The following NLK variants were observed in gnomAD, a reference collection of about 807,000 sequenced individuals.
NLK encodes the protein nemo like kinase.
In NLK, 11 loss-of-function variants were observed where a neutral mutation model predicts 59.0. That is an observed-to-expected ratio of 0.19 (90% CI 0.12 to 0.31). The LOEUF is 0.31. NLK is among the 10% of genes least tolerant of loss of function. The pLI, the probability that NLK is intolerant of heterozygous loss-of-function variation, is 1.00. For synonymous variants in NLK, 235 were observed against 235.9 expected, an observed-to-expected ratio of 1.00 and a Z score of 0.03; for missense variants, 410 against 661.1, an observed-to-expected ratio of 0.62 and a Z score of 4.16.
intron 1 of NLK, among the ~76,000 whole-genome samples, chr17:28,111,894 GTGGT>G (rs1166402105): frequency 1.6e-3 from 160 of 102,394 alleles, no homozygotes; most frequent in South Asian, 5.4e-3. Context: ...GTGTGTGTGT[GTGGT>G]GTGTGTGTGT....
intron 3 of NLK, among the ~76,000 whole-genome samples, chr17:28,134,412 A>T (rs1443731290): frequency 6.6e-6 from 1 of 152,220 alleles, no homozygotes; most frequent in Admixed American, 6.5e-5. Flanking sequence ...CCGCCAAAAA[A>T]AAGTGATACA....
chr17:28,193,087 C>G (rs1304927365), intron 10 of NLK, among the ~76,000 whole-genome samples: 1 of 152,118 alleles, frequency 6.6e-6, no homozygotes, highest in African/African-American at 2.4e-5. Context: ...GAGAAATAAA[C>G]CACTTCCCTA....
At chr17:28,088,641 T>C (rs915095211) in intron 1 of NLK, among the ~76,000 whole-genome samples, 1 of 152,202 alleles carries the variant, frequency 6.6e-6, no homozygotes, top group Non-Finnish European at 1.5e-5. Context: ...TTCACTGAAA[T>C]CATTGTCTTT....
intron 5 of NLK, 63 bp from the exon 6 acceptor site, chr17:28,168,385 T>G: frequency 1.3e-5 from 15 of 1,194,434 alleles, no homozygotes; most frequent in Non-Finnish European, 1.7e-5. Context: ...AAAATTTTGA[T>G]GTTTTGTTTT....
chr17:28,166,212 C>CA lies in NLK; in HGVS notation c.838-2230dup, dbSNP rs915386303. 5.1e-4 allele frequency among the ~76,000 whole-genome samples: 78 copies of CA among 151,846 alleles called. 1 individual carries two copies. The highest frequency in any genetic ancestry group is 1.7e-3 in the African/African-American group (72 of 41,372). Reference sequence around the variant, plus strand: ...TCTGGGTGACAGAGTGAGACTGTCTCAAAAAATATATATATATATATGTTA... The same window carrying CA: ...TCTGGGTGACAGAGTGAGACTGTCTCAAAAAAATATATATATATATATGTTA... On this transcript the variant is annotated intron_variant, in intron 5 of 10. Transcript: ENST00000407008.
chr17:28,110,599 C>T (rs1466798356), intron 1 of NLK, among the ~76,000 whole-genome samples: 1 of 151,656 alleles, frequency 6.6e-6, no homozygotes, highest in East Asian at 1.9e-4. Context: ...CTTTCTTGCT[C>T]CTTTCCTCCT....
Position 28,195,870 on chromosome 17 carries a change from T to C in NLK, c.*1234T>C, listed in dbSNP as rs997253700. On this transcript the variant is annotated 3_prime_UTR_variant, in exon 11 of 11. Transcript: ENST00000407008. ...TTGAATGTCCCTTCCAACTTTTATA[T>C]TAAAAATAAAAAGACAAGAAAATTG... is the stretch of plus-strand genomic sequence containing the variant. The C allele has an allele frequency of 7.9e-5, 12 of 152,594 alleles. No homozygotes were observed. The highest frequency in any genetic ancestry group is 2.6e-4 in the Admixed American group (4 of 15,274). 9.5% of individuals were successfully genotyped at this position (152,594 alleles called of 1,614,324 possible).
intron 3 of NLK, among the ~76,000 whole-genome samples, chr17:28,147,261 G>A (rs1327067997): frequency 1.3e-5 from 2 of 152,100 alleles, no homozygotes; most frequent in East Asian, 1.9e-4. Flanking sequence ...GAGACTCCCT[G>A]AGTAATCATG....
At chr17:28,073,037 GA>G (rs1422414941) in intron 1 of NLK, among the ~76,000 whole-genome samples, 1 of 151,132 alleles carries the variant, frequency 6.6e-6, no homozygotes, top group Non-Finnish European at 1.5e-5. Flanking sequence ...TTTTTTTCCA[GA>G]GATGATGTGA....
intron 3 of NLK, among the ~76,000 whole-genome samples, chr17:28,138,419 A>G (rs1281324463): frequency 2.0e-5 from 3 of 152,260 alleles, no homozygotes; most frequent in Middle Eastern, 3.4e-3. Flanking sequence ...ATTATTGTGA[A>G]GTTCTCACTC....
At chr17:28,199,064 G>T (rs1277607651), downstream of NLK, among the ~76,000 whole-genome samples, 1 of 152,236 alleles carries the variant, frequency 6.6e-6, no homozygotes, top group Non-Finnish European at 1.5e-5. Flanking sequence ...TTTTGCCCAT[G>T]TGGTTTGCCA....
At chr17:28,089,088 G>A (rs1567710760) in intron 1 of NLK, among the ~76,000 whole-genome samples, 1 of 152,158 alleles carries the variant, frequency 6.6e-6, no homozygotes, top group Non-Finnish European at 1.5e-5. Flanking sequence ...AATGAAAACA[G>A]GTTTAGATGA....
chr17:28,179,939 A>G (rs1908841621), intron 7 of NLK, among the ~76,000 whole-genome samples: 1 of 147,168 alleles, frequency 6.8e-6, no homozygotes, highest in Admixed American at 6.8e-5. Context: ...AGAAATGTAA[A>G]CTTCTTGTTT....
chr17:28,185,122 C>T (rs1359892440), intron 7 of NLK, 57 bp from the exon 8 acceptor site: 2 of 1,019,690 alleles, frequency 2.0e-6, no homozygotes, highest in Admixed American at 4.8e-5. Flanking sequence ...TGGCTGTATT[C>T]CATAGCTGTT....
Position 28,093,020 on chromosome 17 carries a change from C to T in NLK, c.459-29583C>T, listed in dbSNP as rs1904561965. On this transcript the variant is annotated intron_variant, in intron 1 of 10. Transcript: ENST00000407008. ...ACATTAACCAGGATGGTCTCGATCT[C>T]CTGACCTCCTGATCCACCCACCTTG... Among the ~76,000 whole-genome samples, 2 of 152,026 alleles carry T rather than the reference C, an allele frequency of 1.3e-5. 1 individual carries two copies. Among genetic ancestry groups the T allele is most frequent in the African/African-American group, 4.8e-5 (2 of 41,382 alleles).
In NLK at chr17:28,120,937, T is replaced by C. The variant is rs1906018766; in HGVS notation, c.459-1666T>C. On this transcript the variant is annotated intron_variant, in intron 1 of 10. Coordinates refer to ENST00000407008, the MANE Select transcript of NLK (RefSeq NM_016231.5). ...GTAGTTCATTGAATGAGTAATTGAA[T>C]ATCCATACTCAAGGTTAATGATTGA... 3.3e-5 allele frequency among the ~76,000 whole-genome samples: 5 copies of C among 152,250 alleles called. No homozygotes were observed. In the South Asian group the frequency reaches 1.0e-3, roughly 31 times the overall value.
chr17:28,081,486 A>G (rs1249623375), intron 1 of NLK, among the ~76,000 whole-genome samples: 1 of 152,192 alleles, frequency 6.6e-6, no homozygotes, highest in Non-Finnish European at 1.5e-5. Flanking sequence ...CATTAAATAA[A>G]TATTAGAAAT....
chr17:28,199,695 C>CA (rs61425914), downstream of NLK, among the ~76,000 whole-genome samples: 2 of 94,862 alleles, frequency 2.1e-5, no homozygotes, highest in East Asian at 3.1e-4. Context: ...CAAAACAAAA[C>CA]AAAAAAAAAA....
intron 1 of NLK, among the ~76,000 whole-genome samples, chr17:28,054,508 A>C (rs1257244534): frequency 6.6e-6 from 1 of 152,240 alleles, no homozygotes; most frequent in Non-Finnish European, 1.5e-5. Flanking sequence ...TTTCTTTATT[A>C]AGACTTTCAA....
Sources: gnomAD v4.1 joint callset for allele counts (sites outside exome capture counted in the v4.1 genomes callset) on GRCh38, gnomAD v4.1.1 for gene constraint, MANE v1.5 for transcripts, NCBI Gene and HGNC (gene_info 2026-07-23, HGNC 2026-07-21) for gene names.